Variants in EYS observed in about 807,000 individuals in gnomAD.
The protein encoded by EYS is EGF-like photoreceptor maintenance factor.
Under a neutral mutation model 282.1 loss-of-function variants are expected in EYS, and 250 were observed. The ratio of observed to expected loss-of-function variants is 0.89; its 90% CI spans 0.80 to 0.98. The LOEUF (loss-of-function observed/expected upper bound fraction) is 0.98, where lower values mean the gene tolerates loss of function less well. EYS is among the 50% of genes least tolerant of loss of function. The pLI, the probability that EYS is intolerant of heterozygous loss-of-function variation, is 0.00. For synonymous variants in EYS, 1,355 were observed against 1,282.9 expected (o/e 1.06, Z -1.20); for missense variants, 4,016 against 3,709.0 (o/e 1.08, Z -2.15).
intron 13 of EYS, among the ~76,000 whole-genome samples, chr6:65,009,860 G>C (rs1771810999): frequency 6.6e-6 from 1 of 152,184 alleles, no homozygotes; most frequent in African/African-American, 2.4e-5. Context: ...AATGTATCCT[G>C]CCTATACTGG....
At chr6:63,968,449 C>T (rs1562122949) in intron 35 of EYS, among the ~76,000 whole-genome samples, 1 of 151,284 alleles carries the variant, frequency 6.6e-6, no homozygotes, top group African/African-American at 2.4e-5. Flanking sequence ...TGTGTGGAAA[C>T]TTTCTTTTTT....
Position 65,140,144 on chromosome 6 carries a change from G to C in EYS, c.2024-82417C>G, listed in dbSNP as rs572034585. ...TCAACGAGCAATTATAAAGGTGTTT[G>C]AAAAAATAAAAAATTAGAAAGTCTC... On this transcript the variant is annotated intron_variant, in intron 12 of 42. Transcript: ENST00000503581. 2.0e-5 allele frequency among the ~76,000 whole-genome samples: 3 copies of C among 151,734 alleles called. No homozygotes were observed. The South Asian group carries it at 6.3e-4, about 32-fold the overall frequency.
chr6:63,955,730 T>A (rs1022003483), intron 35 of EYS, among the ~76,000 whole-genome samples: 1 of 152,150 alleles, frequency 6.6e-6, no homozygotes, highest in African/African-American at 2.4e-5. Context: ...AAAAAAAAAC[T>A]CAAGGATACA....
rs1350283536 is a variant in EYS, at chr6:64,197,060, A to C, written c.6424+33532T>G. On this transcript the variant is annotated intron_variant, in intron 31 of 42. Coordinates refer to ENST00000503581, the MANE Select transcript of EYS (RefSeq NM_001142800.2). Reference sequence around the variant, plus strand: ...TTTTCCTTGTAAAAGTAATTTCCAAAGATAATATATCACCTAGGTCTCAGG... The same window carrying C: ...TTTTCCTTGTAAAAGTAATTTCCAACGATAATATATCACCTAGGTCTCAGG... Among the ~76,000 whole-genome samples the C allele has an allele frequency of 3.9e-5, 6 of 152,102 alleles. No homozygotes were observed. The East Asian group carries it at 5.8e-4, about 15-fold the overall frequency.
At chr6:64,083,693 C>G (rs1488018768) in intron 31 of EYS, among the ~76,000 whole-genome samples, 1 of 152,172 alleles carries the variant, frequency 6.6e-6, no homozygotes, top group Non-Finnish European at 1.5e-5. Context: ...ATACAGGATG[C>G]TCAGTTAAAT....
chr6:64,343,577 T>C (rs1404609340), intron 29 of EYS, among the ~76,000 whole-genome samples: 2 of 151,964 alleles, frequency 1.3e-5, no homozygotes, highest in African/African-American at 4.8e-5. Context: ...GGGAAATTTA[T>C]ACCACTAAAT....
At chr6:63,877,673 T>G (rs1171117125) in intron 35 of EYS, among the ~76,000 whole-genome samples, 1 of 152,214 alleles carries the variant, frequency 6.6e-6, no homozygotes, top group Non-Finnish European at 1.5e-5. Context: ...TCATTTCTTT[T>G]TACTCTTTTT....
intron 33 of EYS, among the ~76,000 whole-genome samples, chr6:64,002,193 G>C (rs1768128628): frequency 6.6e-6 from 1 of 152,192 alleles, no homozygotes; most frequent in African/African-American, 2.4e-5. Context: ...TGTCAGAGAA[G>C]AGTCCAGCCC....
intron 26 of EYS, among the ~76,000 whole-genome samples, chr6:64,566,966 G>T (rs964653004): frequency 2.0e-5 from 3 of 151,986 alleles, no homozygotes; most frequent in Non-Finnish European, 4.4e-5. Context: ...ATAGAGACAG[G>T]GTTTCACCAT....
chr6:64,913,252 T>G (rs74948434), intron 15 of EYS, among the ~76,000 whole-genome samples: 4 of 152,072 alleles, frequency 2.6e-5, no homozygotes, highest in African/African-American at 9.7e-5. Flanking sequence ...TAAAAATATA[T>G]TTTCTTTTTT....
At chr6:64,277,912 A>G (rs1381285949) in intron 30 of EYS, among the ~76,000 whole-genome samples, 1 of 152,168 alleles carries the variant, frequency 6.6e-6, no homozygotes, top group Non-Finnish European at 1.5e-5. Context: ...AAATGATGAA[A>G]TATATCAAGT....
chr6:65,488,011 G>A (rs1765877297), intron 5 of EYS, among the ~76,000 whole-genome samples: 2 of 151,968 alleles, frequency 1.3e-5, no homozygotes, highest in Non-Finnish European at 2.9e-5. Context: ...CTGTGAGATC[G>A]ATGGTGATAT....
chr6:64,079,570 A>T (rs9444517), intron 32 of EYS, among the ~76,000 whole-genome samples: 1 of 150,732 alleles, frequency 6.6e-6, no homozygotes, highest in Admixed American at 6.6e-5. Context: ...TTTATTTTTT[A>T]TTTTTTTATT....
At chr6:64,463,775 A>T (rs1017762849) in intron 26 of EYS, among the ~76,000 whole-genome samples, 4 of 152,214 alleles carry the variant, frequency 2.6e-5, no homozygotes, top group African/African-American at 9.6e-5. Flanking sequence ...GAGATAGCAA[A>T]TAAGAAGATT....
Position 64,590,812 on chromosome 6 carries a change from T to G in EYS, c.5055A>C (p.Ser1685=), listed in dbSNP as rs1438546827. ...SSDLMNSDLT[S]KMTTDELSVS... ...CTGACAGTTCATCAGTAGTCATTTT[T>G]GAAGTCAAATCAGAATTCATCAAGT... The change falls in exon 26 of 43, where the codon TCA becomes TCC. Residue 1685 remains serine, a synonymous_variant. Coordinates refer to ENST00000503581, the MANE Select transcript of EYS (RefSeq NM_001142800.2). 3.2e-6 allele frequency: 5 copies of G among 1,550,190 alleles called. No individual in the cohort carries two copies. Among genetic ancestry groups the G allele is most frequent in the African/African-American group, 1.4e-5 (1 of 73,052 alleles).
At chr6:64,733,449 A>G (rs1196160905) in intron 22 of EYS, 10 of 188,342 alleles carry the variant, frequency 5.3e-5, no homozygotes, top group Admixed American at 4.8e-4. Flanking sequence ...CCACTTGGCC[A>G]CCACAATGAT....
intron 31 of EYS, among the ~76,000 whole-genome samples, chr6:64,155,063 A>C (rs1774871722): frequency 6.6e-6 from 1 of 152,130 alleles, no homozygotes; most frequent in Non-Finnish European, 1.5e-5. Flanking sequence ...GCAGGTCAGT[A>C]AGGCCTTTGG....
At chr6:65,639,586 T>C (rs1029436532) in intron 2 of EYS, among the ~76,000 whole-genome samples, 192 bp downstream of exon 2, 2 of 152,138 alleles carry the variant, frequency 1.3e-5, no homozygotes, top group African/African-American at 4.8e-5. Context: ...TTAGCGGATC[T>C]AAAGTGAATT....
intron 2 of EYS, among the ~76,000 whole-genome samples, chr6:65,545,165 A>G (rs962117504): frequency 1.3e-5 from 2 of 152,006 alleles, no homozygotes; most frequent in African/African-American, 4.8e-5. Context: ...CTAAACTAAA[A>G]AATTGCCTCA....
Sources: allele counts gnomAD v4.1 joint callset (sites outside exome capture counted in the v4.1 genomes callset), GRCh38; gene constraint gnomAD v4.1.1; transcripts MANE v1.5; gene names NCBI Gene and HGNC (gene_info 2026-07-23, HGNC 2026-07-21).